USP37: variants seen among roughly 807,000 people sequenced by gnomAD.
The protein encoded by USP37 is ubiquitin carboxyl-terminal hydrolase 37.
USP37 carries 27 observed loss-of-function variants against 124.0 expected under a neutral mutation model. That is an observed-to-expected ratio of 0.22 (90% CI 0.16 to 0.30). The LOEUF (loss-of-function observed/expected upper bound fraction) is 0.30, where lower values mean the gene tolerates loss of function less well. USP37 is among the 10% of genes least tolerant of loss of function. The pLI is 1.00. For synonymous variants in USP37, 365 were observed against 388.0 expected (o/e 0.94, Z 0.70); for missense variants, 889 against 1,140.4 (o/e 0.78, Z 3.17).
chr2:218,521,258 G>A (rs554296506), intron 10 of USP37, among the ~76,000 whole-genome samples: 34 of 152,238 alleles, frequency 2.2e-4, no homozygotes, highest in African/African-American at 8.2e-4. Context: ...ATAGCAATGT[G>A]AGAACAGACT....
intron 21 of USP37, among the ~76,000 whole-genome samples, 193 bp from the exon 22 acceptor site, chr2:218,463,559 G>A (rs1188838126): frequency 4.4e-5 from 6 of 135,194 alleles, no homozygotes; most frequent in Non-Finnish European, 9.3e-5. Flanking sequence ...TTTTTGAGAC[G>A]GAGTCTCGCT....
chr2:218,534,132 T>C (rs1176289973), intron 9 of USP37, among the ~76,000 whole-genome samples: 1 of 152,226 alleles, frequency 6.6e-6, no homozygotes, highest in African/African-American at 2.4e-5. Context: ...ACAAATTCCC[T>C]GGATTTCTAA....
intron 8 of USP37, among the ~76,000 whole-genome samples, chr2:218,539,881 G>A (rs1691880114): frequency 6.6e-6 from 1 of 151,754 alleles, no homozygotes; most frequent in East Asian, 1.9e-4. Context: ...GTGATGGCAC[G>A]CACCTGTGAT....
intron 4 of USP37, among the ~76,000 whole-genome samples, chr2:218,555,144 T>G (rs73992516): frequency 0.028 from 4,324 of 152,300 alleles, 205 homozygotes; most frequent in African/African-American, 0.098. Context: ...TCTTACAGTT[T>G]CTTCATTATC....
Position 218,566,593 on chromosome 2 carries a change from C to T in USP37, c.-230+1585G>A, listed in dbSNP as rs183823627. Among the ~76,000 whole-genome samples, 232 of 152,228 alleles carry T rather than the reference C, an allele frequency of 1.5e-3. 1 individual carries two copies. The highest frequency in any genetic ancestry group is 0.01 in the Middle Eastern group (3 of 294). ...GAGTATTGAGTTGATCAGCTTATAACAATAACAATTAATGCTTACTGGCCA... is the reference window on the plus strand; with the variant it reads ...GAGTATTGAGTTGATCAGCTTATAATAATAACAATTAATGCTTACTGGCCA... On this transcript the variant is annotated intron_variant, in intron 1 of 25. Coordinates refer to ENST00000258399, the MANE Select transcript of USP37 (RefSeq NM_020935.3).
intron 20 of USP37, among the ~76,000 whole-genome samples, chr2:218,472,375 A>C (rs1240717706): frequency 6.6e-6 from 1 of 152,072 alleles, no homozygotes; most frequent in Non-Finnish European, 1.5e-5. Flanking sequence ...ACACACACTC[A>C]CACTTTTCTT....
At chr2:218,458,253 T>TAAAAAAA (rs33911503) in intron 23 of USP37, among the ~76,000 whole-genome samples, 6 of 70,942 alleles carry the variant, frequency 8.5e-5, no homozygotes, top group East Asian at 5.1e-4. Context: ...AGACCTTGCC[T>TAAAAAAA]AAAAAAAAAA....
intron 13 of USP37, among the ~76,000 whole-genome samples, chr2:218,496,642 TTTTCTTTCTTTC>T (rs970475058): frequency 6.6e-6 from 1 of 151,858 alleles, no homozygotes; most frequent in Non-Finnish European, 1.5e-5. Context: ...CTCCTTAGGT[TTTTCTTTCTTTC>T]TTTCTTTCTT....
intron 8 of USP37, among the ~76,000 whole-genome samples, chr2:218,536,388 T>C (rs1173996331): frequency 6.6e-6 from 1 of 152,204 alleles, no homozygotes; most frequent in East Asian, 1.9e-4. Flanking sequence ...CACCAACTTA[T>C]GTTTTTGATA....
At chr2:218,535,641 G>A (rs1691587757) in intron 8 of USP37, among the ~76,000 whole-genome samples, 1 of 152,170 alleles carries the variant, frequency 6.6e-6, no homozygotes, top group East Asian at 1.9e-4. Flanking sequence ...TGAATCATGA[G>A]GTCAGGAGAT....
chr2:218,486,604 G>A (rs190536840), intron 15 of USP37, among the ~76,000 whole-genome samples: 8 of 152,272 alleles, frequency 5.3e-5, no homozygotes, highest in Admixed American at 5.2e-4. Flanking sequence ...TGCATTTTTA[G>A]TAGAAGCAGG....
chr2:218,547,430 G>GT (rs1337833726), intron 6 of USP37, among the ~76,000 whole-genome samples: 32 of 117,760 alleles, frequency 2.7e-4, no homozygotes, highest in African/African-American at 8.8e-4. Context: ...GTTGTTGTTT[G>GT]TTGTTGTTTT....
At chr2:218,459,202 G>T (rs1689870600) in intron 23 of USP37, among the ~76,000 whole-genome samples, 1 of 151,918 alleles carries the variant, frequency 6.6e-6, no homozygotes, top group Non-Finnish European at 1.5e-5. Flanking sequence ...TGTAACTAAA[G>T]GTAATTTTTT....
chr2:218,468,853 C>T (rs985291335), intron 20 of USP37, among the ~76,000 whole-genome samples: 5 of 152,012 alleles, frequency 3.3e-5, no homozygotes, highest in African/African-American at 9.7e-5. Flanking sequence ...GCCACCACAC[C>T]CGGCTCATTT....
At chr2:218,566,284 T>C (rs1427839479) in intron 1 of USP37, among the ~76,000 whole-genome samples, 1 of 152,078 alleles carries the variant, frequency 6.6e-6, no homozygotes, top group African/African-American at 2.4e-5. Flanking sequence ...TAACTTGATA[T>C]GACTAGGGAA....
chr2:218,490,441 T>C (rs897597059), intron 14 of USP37, among the ~76,000 whole-genome samples: 1 of 152,242 alleles, frequency 6.6e-6, no homozygotes, highest in Non-Finnish European at 1.5e-5. Context: ...TATAGAATTT[T>C]AAAACGTGAG....
intron 21 of USP37, among the ~76,000 whole-genome samples, chr2:218,464,667 CTA>C (rs1158604374): frequency 5.9e-5 from 9 of 152,186 alleles, no homozygotes; most frequent in African/African-American, 2.2e-4. Flanking sequence ...GATTAGATAA[CTA>C]TGAAAAATCA....
chr2:218,492,228 T>C (rs963984996), intron 14 of USP37, among the ~76,000 whole-genome samples: 4 of 151,896 alleles, frequency 2.6e-5, no homozygotes, highest in Admixed American at 2.0e-4. Flanking sequence ...TAAATAAAAA[T>C]AAAAATAAGA....
intron 20 of USP37, among the ~76,000 whole-genome samples, chr2:218,467,294 G>A (rs1384628495): frequency 6.8e-6 from 1 of 147,596 alleles, no homozygotes; most frequent in Non-Finnish European, 1.5e-5. Context: ...ACAGGCGCCC[G>A]CCACCATGCC....
Sources: gnomAD v4.1 joint callset for allele counts (sites outside exome capture counted in the v4.1 genomes callset) on GRCh38, gnomAD v4.1.1 for gene constraint, MANE v1.5 for transcripts, NCBI Gene and HGNC (gene_info 2026-07-23, HGNC 2026-07-21) for gene names.